SMC4: variants seen among roughly 807,000 people sequenced by gnomAD.
The protein encoded by SMC4 is structural maintenance of chromosomes 4, also known as structural maintenance of chromosomes protein 4.
Under a neutral mutation model 145.6 loss-of-function variants are expected in SMC4, and 87 were observed. That is an observed-to-expected ratio of 0.60 (90% CI 0.50 to 0.71). SMC4 has a LOEUF of 0.71. Ranked by LOEUF, SMC4 falls within the 30% of genes least tolerant of loss-of-function variation. The probability of loss-of-function intolerance (pLI) is 0.00; values close to 1 mark genes in which losing one functional copy is unlikely to be tolerated. For synonymous variants in SMC4, 558 were observed against 500.7 expected, an observed-to-expected ratio of 1.11 and a Z score of -1.53; for missense variants, 1,447 against 1,537.1, an observed-to-expected ratio of 0.94 and a Z score of 0.98.
In SMC4 at chr3:160,417,805, A is replaced by T. The variant is rs756786863; in HGVS notation, c.1520A>T (p.Asp507Val). 1 of 1,613,606 alleles carries T rather than the reference A, an allele frequency of 6.2e-7. No homozygotes were observed. Among genetic ancestry groups the T allele is most frequent in the Non-Finnish European group, 8.5e-7 (1 of 1,179,828 alleles). The change falls in exon 11 of 24, where the codon GAT (aspartate) becomes GTT (valine). Residue 507 changes from aspartate (D) to valine (V), a missense_variant. Physicochemically the swap from Asp to Val is radical, Grantham distance 152. Coordinates refer to ENST00000357388, the MANE Select transcript of SMC4 (RefSeq NM_001002800.3). The stretch of plus-strand genomic sequence containing the variant: ...ATGGATGTAGCCCAGTCAGAACTTG[A>T]TATCTATCTCAGTCGTCATAATACT... ...SKMDVAQSEL[D>V]IYLSRHNTAV...
In SMC4 at chr3:160,420,831, T is replaced by G. The variant is rs558331262; in HGVS notation, c.1949T>G (p.Ile650Arg). The G allele has an allele frequency of 2.5e-6, 4 of 1,614,102 alleles. No homozygotes were observed. The highest frequency in any genetic ancestry group is 1.3e-5 in the African/African-American group (1 of 75,056). Residue 650 changes from isoleucine to arginine, a missense_variant, in exon 13 of 24, where the codon ATA (isoleucine) becomes AGA (arginine). By Grantham distance (97) the Ile-to-Arg change is moderately conservative. Coordinates refer to ENST00000357388, the MANE Select transcript of SMC4 (RefSeq NM_001002800.3). Reference protein sequence around the residue: ...LDYIVVDSIDIAQECVNFLKR... With the variant: ...LDYIVVDSIDRAQECVNFLKR... ...TACATTGTTGTTGATTCTATTGATA[T>G]AGCCCAAGAATGTGTAAACTTCCTT... is the stretch of plus-strand genomic sequence containing the variant.
At chr3:160,420,625 T>G (rs904770486) in intron 12 of SMC4, 115 bp from the exon 13 acceptor site, 15 of 1,076,516 alleles carry the variant, frequency 1.4e-5, no homozygotes, top group Non-Finnish European at 1.8e-5. Flanking sequence ...TTGTTCTCTT[T>G]AAAACCATGT....
At chr3:160,432,968 C>T (rs1718570568) in intron 22 of SMC4, 58 bp from the exon 23 acceptor site, 9 of 1,223,522 alleles carry the variant, frequency 7.4e-6, no homozygotes, top group African/African-American at 1.5e-5. Flanking sequence ...AAGCAAATCA[C>T]AAAGTCTTAA....
At chr3:160,428,114 A>G (rs1381371623) in intron 17 of SMC4, among the ~76,000 whole-genome samples, 1 of 152,196 alleles carries the variant, frequency 6.6e-6, no homozygotes, top group African/African-American at 2.4e-5. Context: ...GAGAACCTCT[A>G]ACTTCGTTAC....
chr3:160,423,289 T>G, intron 13 of SMC4, 136 bp from the exon 14 acceptor site: 1 of 652,796 alleles, frequency 1.5e-6, no homozygotes, highest in Non-Finnish European at 2.6e-6. Context: ...TCCGTTTAGG[T>G]CTAATTTTAG....
chr3:160,424,134 G>T (rs980760012), intron 15 of SMC4, among the ~76,000 whole-genome samples: 13 of 151,360 alleles, frequency 8.6e-5, no homozygotes, highest in African/African-American at 1.9e-4. Context: ...ATTTATTGGG[G>T]TTTTTTTTGT....
intron 13 of SMC4, among the ~76,000 whole-genome samples, chr3:160,422,628 G>A (rs779180663): frequency 1.3e-5 from 2 of 152,096 alleles, no homozygotes; most frequent in Non-Finnish European, 2.9e-5. Context: ...TCCTTGGATT[G>A]TATTTTCACT....
intron 14 of SMC4, 41 bp from the exon 15 acceptor site, chr3:160,423,720 G>A (rs994246630): frequency 6.2e-7 from 1 of 1,600,782 alleles, no homozygotes; most frequent in Non-Finnish European, 8.5e-7. Flanking sequence ...TAATCTTGTT[G>A]GGGAGACATC....
chr3:160,431,048 T>G lies in SMC4; in HGVS notation c.2957T>G (p.Ile986Ser). The change falls in exon 20 of 24, where the codon ATC becomes AGC. Residue 986 changes from isoleucine (I) to serine (S), a missense_variant. Physicochemically the swap from Ile to Ser is moderately radical, Grantham distance 142. Transcript: ENST00000357388. ...GGTGTTTAGGAATCCTTACCAGAGA[T>G]CCAGAAAGAACATCGCAATCTGCTT... is the stretch of plus-strand genomic sequence containing the variant. ...TNAAEESLPE[I>S]QKEHRNLLQE... 2 of 1,600,322 alleles carry G rather than the reference T, an allele frequency of 1.2e-6. No homozygotes were observed. The highest frequency in any genetic ancestry group is 1.7e-6 in the Non-Finnish European group (2 of 1,176,452).
rs1339788176 is a variant in SMC4 at position 160,434,179 on chromosome 3, T to TTG, written c.*371_*372dup. The TTG allele has an allele frequency of 5.9e-6, 1 of 168,444 alleles. No homozygotes were observed. The highest frequency in any genetic ancestry group is 1.3e-5 in the Non-Finnish European group (1 of 79,280). 10.4% of individuals were successfully genotyped at this position (168,444 alleles called of 1,614,324 possible). On this transcript the variant is annotated 3_prime_UTR_variant, in exon 24 of 24. Coordinates refer to ENST00000357388, the MANE Select transcript of SMC4 (RefSeq NM_001002800.3). Reference sequence around the variant, plus strand: ...CACTGGAAATGCCTGCCAACTAATCTTGGATAGATTCTTTAAGGCATTCCA... The same window carrying TTG: ...CACTGGAAATGCCTGCCAACTAATCTTGTGGATAGATTCTTTAAGGCATTCCA...
At chr3:160,432,800 A>T (rs1718552033) in intron 22 of SMC4, 2 of 546,434 alleles carry the variant, frequency 3.7e-6, no homozygotes, top group Non-Finnish European at 6.4e-6. Flanking sequence ...AGCAAGAAGT[A>T]TAATACTTAG....
chr3:160,416,449 G>A, intron 10 of SMC4, 34 bp downstream of exon 10: 4 of 1,328,100 alleles, frequency 3.0e-6, no homozygotes, highest in Non-Finnish European at 4.0e-6. Context: ...GTTTATTTTG[G>A]TGGCTTTTTT....
At position 160,434,274 on chromosome 3, in the gene SMC4, G is replaced by A. The variant is rs1194300699; in HGVS notation, c.*465G>A. Reference sequence around the variant, plus strand: ...ACTATGAACATATTTTTGTAAACCAGTCATTCTGAATTATAGTGATGAGAA... The same window carrying A: ...ACTATGAACATATTTTTGTAAACCAATCATTCTGAATTATAGTGATGAGAA... On this transcript the variant is annotated 3_prime_UTR_variant, in exon 24 of 24. Transcript: ENST00000357388. 3 of 152,566 alleles carry A rather than the reference G, an allele frequency of 2.0e-5. No individual in the cohort carries two copies. The highest frequency in any genetic ancestry group is 6.5e-5 in the Admixed American group (1 of 15,280). 9.5% of individuals were successfully genotyped at this position (152,566 alleles called of 1,614,324 possible).
chr3:160,425,749 C>T (rs2108494909), intron 16 of SMC4, among the ~76,000 whole-genome samples: 1 of 152,172 alleles, frequency 6.6e-6, no homozygotes, highest in South Asian at 2.1e-4. Flanking sequence ...TTGCATAATG[C>T]CAGATTGTTT....
At chr3:160,404,653 T>C (rs768742505) in intron 5 of SMC4, 149 bp downstream of exon 5, 16 of 803,332 alleles carry the variant, frequency 2.0e-5, no homozygotes, top group Middle Eastern at 2.3e-4. Flanking sequence ...TGCGAATCAT[T>C]ATTTGCTGCT....
chr3:160,419,115 G>GA (rs1349415452), intron 11 of SMC4, among the ~76,000 whole-genome samples: 1 of 152,020 alleles, frequency 6.6e-6, no homozygotes, highest in African/African-American at 2.4e-5. Flanking sequence ...GTTTGCTCCT[G>GA]AAAAAAATAT....
At chr3:160,401,822 G>GA (rs1206763576) in intron 2 of SMC4, 93 bp from the exon 3 acceptor site, 38 of 910,758 alleles carry the variant, frequency 4.2e-5, no homozygotes, top group Non-Finnish European at 6.0e-5. Context: ...CTACTTTAAA[G>GA]ATGGGCAGTC....
chr3:160,433,273 G>A (rs571291351), intron 23 of SMC4, 64 bp downstream of exon 23: 2 of 1,115,984 alleles, frequency 1.8e-6, no homozygotes, highest in East Asian at 4.8e-5. Context: ...CATTACACAT[G>A]GAATTCTTTA....
chr3:160,430,177 G>A (rs1191170613), intron 18 of SMC4, among the ~76,000 whole-genome samples: 1 of 152,222 alleles, frequency 6.6e-6, no homozygotes, highest in East Asian at 1.9e-4. Flanking sequence ...TTTGCTCAGA[G>A]ATAAGGAGGT....
Sources: allele counts gnomAD v4.1 joint callset (sites outside exome capture counted in the v4.1 genomes callset), GRCh38; gene constraint gnomAD v4.1.1; transcripts MANE v1.5; gene names NCBI Gene and HGNC (gene_info 2026-07-23, HGNC 2026-07-21).